FLT1: variants seen among roughly 807,000 people sequenced by gnomAD.
FLT1 encodes the protein fms related receptor tyrosine kinase 1, also known as vascular endothelial growth factor receptor 1.
Under a neutral mutation model 156.3 loss-of-function variants are expected in FLT1, and 49 were observed. The ratio of observed to expected loss-of-function variants is 0.31; its 90% CI spans 0.25 to 0.40. The LOEUF is 0.40. Among genes scored for constraint, FLT1 ranks in the 10% least tolerant of loss-of-function variants. FLT1 has a pLI of 1.00. For synonymous variants in FLT1, 594 were observed against 583.8 expected (o/e 1.02, Z -0.25); for missense variants, 1,322 against 1,637.2 (o/e 0.81, Z 3.32).
chr13:28,303,185 G>T lies in FLT1; in HGVS notation c.3999C>A (p.Tyr1333Ter), dbSNP rs1312534882. The change falls in exon 30 of 30, where the codon TAC (tyrosine) becomes TAA (stop). Residue 1333 changes from tyrosine (Y) to a stop codon, truncating the protein, a stop_gained. Transcript: ENST00000282397. LOFTEE classifies it high-confidence loss of function. ...TCAAACTCTAGATGGGTGGGGTGGA[G>T]TACAGGACCACCGAGTTGTAGTCTG... Reference protein sequence around the residue: ...PPPDYNSVVLYSTPPI With the variant: ...PPPDYNSVVL 4 of 1,610,992 alleles carry T rather than the reference G, an allele frequency of 2.5e-6. No homozygotes were observed. The highest frequency in any genetic ancestry group is 3.4e-6 in the Non-Finnish European group (4 of 1,179,896).
intron 23 of FLT1, 143 bp from the exon 24 acceptor site, chr13:28,319,677 C>T (rs1038743193): frequency 1.5e-6 from 1 of 671,610 alleles, no homozygotes; most frequent in East Asian, 2.8e-5. Flanking sequence ...ACATAGAGAA[C>T]ACCATAGTAT....
Position 28,390,023 on chromosome 13 carries a change from T to C in FLT1, c.1742A>G (p.Lys581Arg). ...CCAAGTAACGTCTCTGTATAAGAAC[T>C]TGTTAACTGTGCAAGACAGTTTCAG... The part of the protein sequence containing the change: ...EDLKLSCTVN[K>R]FLYRDVTWIL... Residue 581 changes from lysine to arginine, a missense_variant, in exon 13 of 30, where the codon AAG becomes AGG. Around this residue, in one of 3 missense-constraint regions of FLT1, gnomAD observed 991 missense variants for 1,254.8 expected, o/e 0.79. Transcript: ENST00000282397. 1.9e-6 allele frequency: 3 copies of C among 1,614,220 alleles called. No individual in the cohort carries two copies. The highest frequency in any genetic ancestry group is 2.5e-6 in the Non-Finnish European group (3 of 1,180,034).
chr13:28,371,796 A>C (rs1029721114), intron 14 of FLT1, among the ~76,000 whole-genome samples: 2 of 151,986 alleles, frequency 1.3e-5, no homozygotes, highest in African/African-American at 4.8e-5. Flanking sequence ...GCGTGTTCTG[A>C]TGGACAGCAA....
chr13:28,418,467 A>G (rs1015374670), intron 10 of FLT1, among the ~76,000 whole-genome samples: 2 of 152,178 alleles, frequency 1.3e-5, no homozygotes, highest in Non-Finnish European at 2.9e-5. Context: ...TTCCCTGCAG[A>G]CTTCAGCTCT....
intron 14 of FLT1, chr13:28,368,477 G>A (rs1873393323): frequency 1.3e-6 from 2 of 1,509,810 alleles, no homozygotes; most frequent in Non-Finnish European, 1.8e-6. Flanking sequence ...GATTGTCTTG[G>A]CTCTCCAACT....
chr13:28,338,859 A>G (rs968919235), intron 17 of FLT1, among the ~76,000 whole-genome samples: 2 of 152,160 alleles, frequency 1.3e-5, no homozygotes, highest in Admixed American at 1.3e-4. Context: ...ACCTATCTCC[A>G]GACTGAGCCC....
intron 1 of FLT1, among the ~76,000 whole-genome samples, chr13:28,485,148 T>C (rs1341863238): frequency 3.3e-5 from 5 of 152,224 alleles, no homozygotes; most frequent in African/African-American, 1.2e-4. Context: ...AAAATATATG[T>C]AAATCAATTA....
Position 28,321,484 on chromosome 13 carries a change from G to C in FLT1, c.3153C>G (p.Pro1051=). The C allele has an allele frequency of 6.2e-7, 1 of 1,614,008 alleles. No individual in the cohort carries two copies. Among genetic ancestry groups the C allele is most frequent in the Non-Finnish European group, 8.5e-7 (1 of 1,179,964 alleles). The change falls in exon 23 of 30, where the codon CCC becomes CCG. Residue 1051 remains proline (P), a synonymous_variant. Coordinates refer to ENST00000282397, the MANE Select transcript of FLT1 (RefSeq NM_002019.4). ...TTACATCTCCTTTTCTCACATAATC[G>C]GGGTTCTTATAAATATCCCGGGCAA... ...FGLARDIYKN[P]DYVRKGDTRL...
chr13:28,329,540 G>A, intron 19 of FLT1, 75 bp downstream of exon 19: 3 of 1,048,654 alleles, frequency 2.9e-6, no homozygotes, highest in East Asian at 2.4e-5. Flanking sequence ...CGGGGGAGAA[G>A]GAGCTGTAAG....
At chr13:28,493,585 G>C (rs986242799) in intron 1 of FLT1, among the ~76,000 whole-genome samples, 1 of 152,192 alleles carries the variant, frequency 6.6e-6, no homozygotes, top group African/African-American at 2.4e-5. Context: ...TCATTGCAAT[G>C]ACTTATTTTA....
chr13:28,347,623 T>C (rs1482627553), intron 15 of FLT1, among the ~76,000 whole-genome samples: 5 of 152,160 alleles, frequency 3.3e-5, no homozygotes, highest in African/African-American at 1.2e-4. Flanking sequence ...AGCATCTGTG[T>C]GATGGGTTTG....
chr13:28,462,438 T>C (rs2137612221), intron 3 of FLT1, among the ~76,000 whole-genome samples: 1 of 152,352 alleles, frequency 6.6e-6, no homozygotes. Flanking sequence ...CTTCTAGAAA[T>C]TAATAGAAGA....
At chr13:28,408,757 C>T (rs1457948179) in intron 10 of FLT1, among the ~76,000 whole-genome samples, 1 of 152,212 alleles carries the variant, frequency 6.6e-6, no homozygotes, top group Non-Finnish European at 1.5e-5. Context: ...GACAAGGCCA[C>T]TGTTATCAGC....
intron 2 of FLT1, 61 bp downstream of exon 2, chr13:28,467,460 G>T: frequency 9.0e-7 from 1 of 1,114,560 alleles, no homozygotes; most frequent in Non-Finnish European, 1.4e-6. Flanking sequence ...TACTCTGCCA[G>T]GGAATGATTT....
chr13:28,436,862 T>C (rs559214816), intron 4 of FLT1, among the ~76,000 whole-genome samples: 1 of 152,320 alleles, frequency 6.6e-6, no homozygotes, highest in South Asian at 2.1e-4. Context: ...GGTACTATTG[T>C]CATTACCCCC....
In FLT1 at chr13:28,430,077, T is replaced by C; in HGVS notation, c.1079A>G (p.Lys360Arg). Residue 360 changes from lysine to arginine, a missense_variant, in exon 8 of 30, where the codon AAG (lysine) becomes AGG (arginine). Lys to Arg is a conservative substitution (Grantham distance 26, BLOSUM62 2). Transcript: ENST00000282397. ...KRSYRLSMKVKAFPSPEVVWL... is the reference protein window; with the variant it reads ...KRSYRLSMKVRAFPSPEVVWL... ...TACAACTTCCGGCGAGGGAAATGCCTTCACTTTCATAGAGAGCCGGTAAGA... is the reference window on the plus strand; with the variant it reads ...TACAACTTCCGGCGAGGGAAATGCCCTCACTTTCATAGAGAGCCGGTAAGA... 1.9e-6 allele frequency: 3 copies of C among 1,613,400 alleles called. No individual in the cohort carries two copies. The highest frequency in any genetic ancestry group is 2.5e-6 in the Non-Finnish European group (3 of 1,179,320).
chr13:28,387,387 A>C, intron 13 of FLT1: 1 of 1,053,364 alleles, frequency 9.5e-7, no homozygotes, highest in Non-Finnish European at 1.1e-6. Flanking sequence ...CATTTTGAAT[A>C]AGGGAGGTGC....
Position 28,334,048 on chromosome 13 carries a change from G to A in FLT1, c.2570C>T (p.Thr857Ile). 6.2e-7 allele frequency: 1 copy of A among 1,612,052 alleles called. No homozygotes were observed. The highest frequency in any genetic ancestry group is 1.7e-4 in the Middle Eastern group (1 of 6,056). ...ACCTTTCAGCATTTTCACAGCCACA[G>A]TCCGGCACGTAGGTGATTTCTTAAT... The part of the protein sequence containing the change: ...FGIKKSPTCR[T>I]VAVKMLKEGA... The change falls in exon 18 of 30, where the codon ACT becomes ATT. Residue 857 changes from threonine to isoleucine, a missense_variant. Thr to Ile is a moderately conservative substitution (Grantham distance 89). Transcript: ENST00000282397.
At position 28,322,371 on chromosome 13, in the gene FLT1, T is replaced by G; in HGVS notation, c.2954-12A>C. 6.4e-7 allele frequency: 1 copy of G among 1,555,568 alleles called. No individual in the cohort carries two copies. Among genetic ancestry groups the G allele is most frequent in the Non-Finnish European group, 8.9e-7 (1 of 1,126,582 alleles). On this transcript the variant is annotated splice_polypyrimidine_tract_variant and intron_variant, in intron 21 of 29. Coordinates refer to ENST00000282397, the MANE Select transcript of FLT1 (RefSeq NM_002019.4). This position sits in a 1 kb window ranked among gnomAD's most constrained non-coding sequence, Gnocchi z 4.3. Reference sequence around the variant, plus strand: ...GAAACCGTCAGAATCTGGAAAGCATTAGAACCGTAACTGTTTGTAATGGCT... The same window carrying G: ...GAAACCGTCAGAATCTGGAAAGCATGAGAACCGTAACTGTTTGTAATGGCT...
Sources: gnomAD v4.1 joint callset for allele counts (sites outside exome capture counted in the v4.1 genomes callset) on GRCh38, gnomAD v4.1.1 for gene constraint, gnomAD v4.1.1 regional missense constraint, Gnocchi (gnomAD v3.1) non-coding constraint, MANE v1.5 for transcripts, NCBI Gene and HGNC (gene_info 2026-07-23, HGNC 2026-07-21) for gene names.